The following TRIP11 variants were observed in gnomAD, a reference collection of about 807,000 sequenced individuals.
TRIP11 encodes the protein thyroid receptor-interacting protein 11.
A neutral mutation model predicts 223.1 loss-of-function variants in TRIP11; 148 were observed. The observed-to-expected ratio is 0.66, with a 90% CI of 0.58 to 0.76. The LOEUF is 0.76. Among genes scored for constraint, TRIP11 ranks in the 30% least tolerant of loss-of-function variants. TRIP11 has a pLI of 0.00. For missense variants in TRIP11, 2,043 were observed against 2,222.0 expected (o/e 0.92, Z 1.62); for synonymous variants, 762 against 772.6 (o/e 0.99, Z 0.23).
chr14:91,979,116 G>C (rs1288246479), intron 16 of TRIP11, among the ~76,000 whole-genome samples: 1 of 152,014 alleles, frequency 6.6e-6, no homozygotes, highest in African/African-American at 2.4e-5. Flanking sequence ...AATTAGTCGG[G>C]TGTGGCGGCA....
chr14:91,994,597 C>T (rs902593788), intron 14 of TRIP11, among the ~76,000 whole-genome samples: 1 of 152,168 alleles, frequency 6.6e-6, no homozygotes, highest in Non-Finnish European at 1.5e-5. Context: ...CACAGAGGTA[C>T]AAATTTAAAG....
At chr14:92,014,628 A>C (rs2057013264) in intron 6 of TRIP11, 51 bp from the exon 7 acceptor site, 13 of 1,564,942 alleles carry the variant, frequency 8.3e-6, no homozygotes, top group Non-Finnish European at 1.1e-5. Context: ...ACCAAGAAAT[A>C]AACGGTTTGC....
intron 1 of TRIP11, among the ~76,000 whole-genome samples, chr14:92,035,573 A>AT (rs139360533): frequency 1.5e-5 from 2 of 136,576 alleles, no homozygotes; most frequent in Non-Finnish European, 1.6e-5. Flanking sequence ...TTTTTTATTT[A>AT]TTTATTTATT....
intron 16 of TRIP11, among the ~76,000 whole-genome samples, chr14:91,983,435 T>TA (rs2056568017): frequency 6.6e-6 from 1 of 152,190 alleles, no homozygotes; most frequent in South Asian, 2.1e-4. Flanking sequence ...CATCCATACA[T>TA]AAAGAAATAA....
rs532693227 is a variant in TRIP11 at position 92,014,798 on chromosome 14, A to G, written c.824-221T>C. Among the ~76,000 whole-genome samples, 16 of 152,340 alleles carry G rather than the reference A, an allele frequency of 1.1e-4. No homozygotes were observed. In the South Asian group the frequency reaches 3.1e-3, roughly 30 times the overall value. On this transcript the variant is annotated intron_variant, in intron 6 of 20. Transcript: ENST00000267622. ...TCTTAGTTTGAAAGAAAGTGATAAT[A>G]TCTCTAATCATTTATTACCAAAGTA...
In TRIP11 at chr14:91,967,983, A is replaced by T. The variant is rs2056356992; in HGVS notation, c.*1690T>A. 5.0e-6 allele frequency: 1 copy of T among 200,688 alleles called. No individual in the cohort carries two copies. The highest frequency in any genetic ancestry group is 1.0e-5 in the Non-Finnish European group (1 of 97,494). The allele number at this position is 200,688 out of a possible 1,614,324, so 12.4% of individuals were successfully genotyped here. ...TAAAGAATGGCAATATAAATTAGTTATCTAAGGAGATACAAGACATTCTGA... is the reference window on the plus strand; with the variant it reads ...TAAAGAATGGCAATATAAATTAGTTTTCTAAGGAGATACAAGACATTCTGA... On this transcript the variant is annotated 3_prime_UTR_variant, in exon 21 of 21. Coordinates refer to ENST00000267622, the MANE Select transcript of TRIP11 (RefSeq NM_004239.4).
chr14:92,027,771 T>G (rs1278914465), intron 2 of TRIP11, among the ~76,000 whole-genome samples: 1 of 152,242 alleles, frequency 6.6e-6, no homozygotes, highest in Non-Finnish European at 1.5e-5. Context: ...TTTTTCACTT[T>G]GGGGATGTCA....
chr14:92,009,933 T>C (rs952705636), intron 9 of TRIP11, among the ~76,000 whole-genome samples: 6 of 152,198 alleles, frequency 3.9e-5, no homozygotes, highest in Non-Finnish European at 7.3e-5. Context: ...CAAAAGATAC[T>C]CTACTTGTAC....
At position 92,005,314 on chromosome 14, in the gene TRIP11, G is replaced by A. The variant is rs1472978834; in HGVS notation, c.2662C>T (p.Leu888Phe). 1.2e-6 allele frequency: 2 copies of A among 1,613,952 alleles called. No individual in the cohort carries two copies. The highest frequency in any genetic ancestry group is 1.7e-5 in the Admixed American group (1 of 59,978). The change falls in exon 11 of 21, where the codon CTT becomes TTT. Residue 888 changes from leucine (L) to phenylalanine (F), a missense_variant. Transcript: ENST00000267622. ...GATGCTAGTTCAGTAACACTATCAAGGGTTTTAGGGTCAGCCACAGGTGCG... is the reference window on the plus strand; with the variant it reads ...GATGCTAGTTCAGTAACACTATCAAAGGTTTTAGGGTCAGCCACAGGTGCG... The part of the protein sequence containing the change: ...RTAPVADPKT[L>F]DSVTELASEV...
At chr14:92,026,850 T>G in intron 2 of TRIP11, 1 of 1,509,658 alleles carries the variant, frequency 6.6e-7, no homozygotes. Flanking sequence ...GATGACGATG[T>G]TGATACCAAG....
chr14:91,998,527 G>C (rs1262897053), intron 13 of TRIP11, among the ~76,000 whole-genome samples: 2 of 151,944 alleles, frequency 1.3e-5, no homozygotes, highest in African/African-American at 4.8e-5. Context: ...TTACAAAACA[G>C]TATGAATATT....
At position 92,000,245 on chromosome 14, in the gene TRIP11, C is replaced by G. The variant is rs2056807183; in HGVS notation, c.4558-137G>C. ...TCCCGATTTACTCTCTGAGTAGGCT[C>G]AGAGAGACTCCTAGTTAATTTAAAA... On this transcript the variant is annotated intron_variant, in intron 11 of 20. Coordinates refer to ENST00000267622, the MANE Select transcript of TRIP11 (RefSeq NM_004239.4). 5 of 1,372,780 alleles carry G rather than the reference C, an allele frequency of 3.6e-6. No individual in the cohort carries two copies. In the South Asian group the frequency reaches 4.0e-5, roughly 11 times the overall value. The allele number at this position is 1,372,780 out of a possible 1,614,324, so 85.0% of individuals were successfully genotyped here. A position where few individuals can be genotyped will look rare whatever the true frequency, so the allele number is the denominator to read the frequency against.
intron 16 of TRIP11, among the ~76,000 whole-genome samples, chr14:91,977,545 T>G (rs181386893): frequency 6.6e-6 from 1 of 152,114 alleles, no homozygotes; most frequent in African/African-American, 2.4e-5. Context: ...TGACCATAAA[T>G]GTATGGTATA....
In TRIP11 at chr14:92,014,338, A is replaced by G. The variant is rs2057009639; in HGVS notation, c.1063T>C (p.Leu355=). The G allele has an allele frequency of 6.8e-6, 11 of 1,613,864 alleles. No homozygotes were observed. The highest frequency in any genetic ancestry group is 2.2e-5 in the East Asian group (1 of 44,862). Residue 355 remains leucine (L), a synonymous_variant, in exon 7 of 21, where the codon TTG becomes CTG. Coordinates refer to ENST00000267622, the MANE Select transcript of TRIP11 (RefSeq NM_004239.4). ...GAAGGCTGCAATTTACTACATTCCA[A>G]TTTCAAGTTTTCACATTCTTCCATT... ...QIMEECENLK[L]ECSKLQPSAV...
rs1181763924 is a variant in TRIP11, at chr14:92,040,054, C to T, written c.-369G>A. 8 of 414,522 alleles carry T rather than the reference C, an allele frequency of 1.9e-5. No homozygotes were observed. Among genetic ancestry groups the T allele is most frequent in the South Asian group, 9.5e-5 (4 of 42,126 alleles). The allele number at this position is 414,522 out of a possible 1,614,324, so 25.7% of individuals were successfully genotyped here. A position where few individuals can be genotyped will look rare whatever the true frequency, so the allele number is the denominator to read the frequency against. ...ATGACACTCGCTCGGAAAGCGGCAG[C>T]GGATCATAGAAAAGCGCCGCGGTGG... On this transcript the variant is annotated 5_prime_UTR_variant, in exon 1 of 21. Transcript: ENST00000267622.
chr14:92,015,588 G>T, intron 6 of TRIP11, 108 bp downstream of exon 6: 1 of 872,292 alleles, frequency 1.1e-6, no homozygotes, highest in Non-Finnish European at 1.7e-6. Context: ...AACCCGGGGG[G>T]CGGAGGTTGC....
chr14:92,025,504 T>G (rs1398512308), intron 2 of TRIP11, 84 bp from the exon 3 acceptor site: 1 of 898,760 alleles, frequency 1.1e-6, no homozygotes, highest in Non-Finnish European at 1.7e-6. Flanking sequence ...AAAAACGTAC[T>G]GCTTTCCCCC....
chr14:92,028,288 G>A (rs2057215388), intron 2 of TRIP11, among the ~76,000 whole-genome samples: 2 of 152,166 alleles, frequency 1.3e-5, no homozygotes. Context: ...GGCTAGGCGT[G>A]GTGGCTCATG....
rs370052334 is a variant in TRIP11 at position 91,969,884 on chromosome 14, T to C, written c.5729A>G (p.Glu1910Gly). Residue 1910 changes from glutamate to glycine, a missense_variant, in exon 21 of 21, where the codon GAA becomes GGA. Physicochemically the swap from Glu to Gly is moderately conservative, Grantham distance 98 (BLOSUM62 -2). Transcript: ENST00000267622. ...NAPESFKDTA[E>G]SRSGRRTDVN... ...ATCTGTTCTTCTACCAGACCTGGAT[T>C]CTGCTGTATCTAAAGAATAAAATAT... 1 of 1,613,740 alleles carries C rather than the reference T, an allele frequency of 6.2e-7. No individual in the cohort carries two copies. The highest frequency in any genetic ancestry group is 8.5e-7 in the Non-Finnish European group (1 of 1,179,892).
Sources: allele counts gnomAD v4.1 joint callset (sites outside exome capture counted in the v4.1 genomes callset), GRCh38; gene constraint gnomAD v4.1.1; transcripts MANE v1.5; gene names NCBI Gene and HGNC (gene_info 2026-07-23, HGNC 2026-07-21).